TMEM50B: variants seen among roughly 807,000 people sequenced by gnomAD.
The protein encoded by TMEM50B is transmembrane protein 50B.
A neutral mutation model predicts 23.4 loss-of-function variants in TMEM50B; 14 were observed. The observed-to-expected ratio is 0.60, with a 90% CI of 0.39 to 0.93. The LOEUF is 0.93. TMEM50B is among the 40% of genes least tolerant of loss of function. The pLI is 0.00. For missense variants in TMEM50B, 159 were observed against 193.0 expected, an observed-to-expected ratio of 0.82 and a Z score of 1.04; for synonymous variants, 64 against 62.3, an observed-to-expected ratio of 1.03 and a Z score of -0.13.
chr21:33,432,716 T>A lies in TMEM50B; in HGVS notation c.*2207A>T, dbSNP rs145216430. Reference sequence around the variant, plus strand: ...TCACTTTCGTGTCCTCTTTTTAGCCTCCACTGAGCTTCAGCAAGTCATCCT... The same window carrying A: ...TCACTTTCGTGTCCTCTTTTTAGCCACCACTGAGCTTCAGCAAGTCATCCT... On this transcript the variant is annotated 3_prime_UTR_variant and NMD_transcript_variant, in exon 9 of 9. Coordinates refer to the TMEM50B transcript ENST00000420455. 2.0e-5 allele frequency: 33 copies of A among 1,613,968 alleles called. No homozygotes were observed. The highest frequency in any genetic ancestry group is 2.6e-5 in the Non-Finnish European group (31 of 1,179,992).
chr21:33,433,362 G>A (rs1358689721), intron 8 of TMEM50B, among the ~76,000 whole-genome samples: 3 of 152,316 alleles, frequency 2.0e-5, no homozygotes, highest in South Asian at 2.1e-4. Flanking sequence ...GAAGCACTCC[G>A]GTGTCGTTGA....
chr21:33,434,333 C>T (rs965401514), intron 8 of TMEM50B, among the ~76,000 whole-genome samples: 4 of 152,014 alleles, frequency 2.6e-5, no homozygotes, highest in Non-Finnish European at 5.9e-5. Flanking sequence ...ACCAGCCTGG[C>T]CAACATGGTG....
chr21:33,440,542 C>T (rs954191634), intron 7 of TMEM50B, among the ~76,000 whole-genome samples: 10 of 147,610 alleles, frequency 6.8e-5, no homozygotes, highest in East Asian at 4.1e-4. Context: ...GAGCAGAGAT[C>T]GTGCCACTGC....
chr21:33,437,079 C>T (rs2083962812), intron 8 of TMEM50B: 10 of 1,021,736 alleles, frequency 9.8e-6, no homozygotes, highest in Non-Finnish European at 1.5e-5. Flanking sequence ...TCTAAAAGGC[C>T]TGTCCCTGCA....
chr21:33,471,658 G>T (rs1347668228), intron 1 of TMEM50B, among the ~76,000 whole-genome samples: 1 of 152,108 alleles, frequency 6.6e-6, no homozygotes, highest in African/African-American at 2.4e-5. Context: ...AAGATTGCTT[G>T]AGGCCAGGAC....
chr21:33,461,253 G>A (rs575851453), intron 4 of TMEM50B, among the ~76,000 whole-genome samples: 1 of 152,238 alleles, frequency 6.6e-6, no homozygotes, highest in East Asian at 1.9e-4. Context: ...AACTAAATTT[G>A]CCTCAGTTGC....
intron 6 of TMEM50B, among the ~76,000 whole-genome samples, chr21:33,451,424 T>C (rs183447765): frequency 1.3e-5 from 2 of 152,242 alleles, no homozygotes; most frequent in East Asian, 3.9e-4. Flanking sequence ...ATCAAATAAA[T>C]ATAAAATTCC....
At chr21:33,433,117 C>T (rs368644044) in intron 8 of TMEM50B, among the ~76,000 whole-genome samples, 18 of 152,238 alleles carry the variant, frequency 1.2e-4, no homozygotes, top group African/African-American at 4.1e-4. Context: ...AACTCCTGAC[C>T]TCAAGTGATC....
chr21:33,442,298 G>C (rs2084015335), intron 7 of TMEM50B, among the ~76,000 whole-genome samples: 1 of 152,134 alleles, frequency 6.6e-6, no homozygotes, highest in Non-Finnish European at 1.5e-5. Context: ...TGAAGTGAAA[G>C]TGACGTCTTT....
At chr21:33,473,443 A>T (rs1211185764) in intron 1 of TMEM50B, among the ~76,000 whole-genome samples, 1 of 145,406 alleles carries the variant, frequency 6.9e-6, no homozygotes, top group South Asian at 2.2e-4. Context: ...AAAAAGTGAG[A>T]CTCTGTCTCG....
rs1409791631 is a variant in TMEM50B, at chr21:33,449,884, TAC to T, written c.*932_*933del. 1 of 152,632 alleles carries T rather than the reference TAC, an allele frequency of 6.6e-6. No individual in the cohort carries two copies. The highest frequency in any genetic ancestry group is 1.5e-5 in the Non-Finnish European group (1 of 68,040). 9.5% of individuals were successfully genotyped at this position (152,632 alleles called of 1,614,324 possible). On this transcript the variant is annotated 3_prime_UTR_variant, in exon 7 of 7. Coordinates refer to ENST00000542230, the MANE Select transcript of TMEM50B (RefSeq NM_006134.7). ...CGAGAAGCATGGTGCTGAGCTGCCTTACACAGTCTTTTTACAGTAACCATAAA... is the reference window on the plus strand; with the variant it reads ...CGAGAAGCATGGTGCTGAGCTGCCTTACAGTCTTTTTACAGTAACCATAAA...
intron 5 of TMEM50B, 58 bp downstream of exon 5, chr21:33,460,355 A>G (rs1269569814): frequency 8.1e-6 from 9 of 1,115,000 alleles, no homozygotes; most frequent in East Asian, 4.8e-5. Context: ...AGAGTAAGCC[A>G]AATATAAAAG....
In TMEM50B at chr21:33,468,922, G is replaced by A; in HGVS notation, c.-37C>T. 1 of 1,504,310 alleles carries A rather than the reference G, an allele frequency of 6.6e-7. No individual in the cohort carries two copies. The highest frequency in any genetic ancestry group is 9.2e-7 in the Non-Finnish European group (1 of 1,084,738). The allele number at this position is 1,504,310 out of a possible 1,614,324, so 93.2% of individuals were successfully genotyped here. A position where few individuals can be genotyped will look rare whatever the true frequency, so the allele number is the denominator to read the frequency against. Reference sequence around the variant, plus strand: ...AAGCATAAATTTTTCATTAAATGCTGTATCCTACAAACAGAAAGACAAAAA... The same window carrying A: ...AAGCATAAATTTTTCATTAAATGCTATATCCTACAAACAGAAAGACAAAAA... On this transcript the variant is annotated 5_prime_UTR_variant, in exon 2 of 7. Coordinates refer to ENST00000542230, the MANE Select transcript of TMEM50B (RefSeq NM_006134.7).
chr21:33,461,283 A>G (rs1216251058), intron 4 of TMEM50B, among the ~76,000 whole-genome samples: 1 of 152,230 alleles, frequency 6.6e-6, no homozygotes, highest in Non-Finnish European at 1.5e-5. Context: ...GTTACCAGGG[A>G]AAAGATTCAT....
intron 4 of TMEM50B, 79 bp from the exon 5 acceptor site, chr21:33,460,584 CCT>C: frequency 2.7e-6 from 2 of 737,368 alleles, no homozygotes; most frequent in Non-Finnish European, 4.5e-6. Flanking sequence ...TACTAGGAGC[CCT>C]GTTAGCCTAG....
chr21:33,451,462 G>C (rs2084119202), intron 6 of TMEM50B, among the ~76,000 whole-genome samples: 1 of 152,104 alleles, frequency 6.6e-6, no homozygotes, highest in Admixed American at 6.6e-5. Flanking sequence ...ATAAATGAGA[G>C]GTGCACAGTA....
intron 8 of TMEM50B, among the ~76,000 whole-genome samples, chr21:33,437,999 A>C (rs2083974078): frequency 1.3e-5 from 2 of 148,384 alleles, no homozygotes; most frequent in Admixed American, 1.4e-4. Context: ...AAAAAAAAAA[A>C]GAGGGCTGGG....
chr21:33,452,924 A>T (rs188425602), intron 6 of TMEM50B, among the ~76,000 whole-genome samples: 106 of 152,338 alleles, frequency 7.0e-4, no homozygotes, highest in African/African-American at 2.5e-3. Context: ...GGGCATGAGC[A>T]TGTTAAGGGA....
chr21:33,433,368 G>A (rs1221789991), intron 8 of TMEM50B, among the ~76,000 whole-genome samples: 3 of 152,212 alleles, frequency 2.0e-5, no homozygotes, highest in Admixed American at 6.5e-5. Context: ...CTCCGGTGTC[G>A]TTGAAGGATT....
Sources: allele counts gnomAD v4.1 joint callset (sites outside exome capture counted in the v4.1 genomes callset), GRCh38; gene constraint gnomAD v4.1.1; transcripts MANE v1.5; gene names NCBI Gene and HGNC (gene_info 2026-07-23, HGNC 2026-07-21).